Variants in PHF10 observed in about 807,000 individuals in gnomAD.
PHF10 encodes BRG1-associated factor 45a.
A neutral mutation model predicts 68.5 loss-of-function variants in PHF10; 51 were observed. The observed-to-expected ratio is 0.74, with a 90% confidence interval of 0.59 to 0.94. The LOEUF (loss-of-function observed/expected upper bound fraction) is 0.94. PHF10 is among the 40% of genes least tolerant of loss of function. The pLI is 0.00. For synonymous variants in PHF10, 204 were observed against 203.5 expected, an observed-to-expected ratio of 1.00 and a Z score of -0.02; for missense variants, 460 against 602.6, an observed-to-expected ratio of 0.76 and a Z score of 2.48.
At chr6:169,705,760 G>T in intron 9 of PHF10, 36 bp from the exon 10 acceptor site, 1 of 1,003,264 alleles carries the variant, frequency 1.0e-6, no homozygotes, top group Non-Finnish European at 1.6e-6. Context: ...ATTCATGCCA[G>T]AAGAGCTTAC....
Position 169,724,337 on chromosome 6 carries a change from T to TCGCTCGCCTCAGCCCCGCCGCC in PHF10, c.-407_-406insGGCGGCGGGGCTGAGGCGAGCG, listed in dbSNP as rs1789272426. Among the ~76,000 whole-genome samples the TCGCTCGCCTCAGCCCCGCCGCC allele has an allele frequency of 8.9e-6, 1 of 112,308 alleles. No individual in the cohort carries two copies. Among genetic ancestry groups the TCGCTCGCCTCAGCCCCGCCGCC allele is most frequent in the African/African-American group, 3.4e-5 (1 of 29,206 alleles). The allele number at this position is 112,308 out of a possible 152,430, so 73.7% of individuals were successfully genotyped here. On this transcript the variant is annotated 5_prime_UTR_variant, in exon 1 of 12. Coordinates refer to ENST00000339209, the MANE Select transcript of PHF10 (RefSeq NM_018288.4). Reference sequence around the variant, plus strand: ...CCGCGACTCCCTTCAGCCCCGCCACTCGCTCGCCTCAGCCCCGCCGCTCGC... The same window carrying TCGCTCGCCTCAGCCCCGCCGCC: ...CCGCGACTCCCTTCAGCCCCGCCACTCGCTCGCCTCAGCCCCGCCGCCCGCTCGCCTCAGCCCCGCCGCTCGC...
intron 9 of PHF10, chr6:169,707,426 CTCTT>C (rs1458973629): frequency 3.3e-5 from 5 of 152,342 alleles, no homozygotes; most frequent in South Asian, 2.1e-4. Flanking sequence ...AGAATGCTCT[CTCTT>C]AATCCATCAA....
chr6:169,720,824 A>G lies in PHF10; in HGVS notation c.194+181T>C, dbSNP rs549392393. Among the ~76,000 whole-genome samples, 3 of 152,354 alleles carry G rather than the reference A, an allele frequency of 2.0e-5. No individual in the cohort carries two copies. In the East Asian group the frequency reaches 5.8e-4, roughly 29 times the overall value. ...ATGTATGTATGTATTTTACTATCAT[A>G]AAATTGCTTTTTAATTACACTCAGT... is the stretch of plus-strand genomic sequence containing the variant. On this transcript the variant is annotated intron_variant, in intron 2 of 11. Coordinates refer to ENST00000339209, the MANE Select transcript of PHF10 (RefSeq NM_018288.4).
rs773826145 is a variant in PHF10, at chr6:169,705,685, TCAGA to T, written c.1149_1152del (p.Cys383Ter). ...CCTTTCTTGTTGGACTCCTTACCCTTCAGACAAATTCCACATATAGCATTTGGAA... is the reference window on the plus strand; with the variant it reads ...CCTTTCTTGTTGGACTCCTTACCCTTCAAATTCCACATATAGCATTTGGAA... On this transcript the variant is annotated frameshift_variant, in exon 10 of 12. Coordinates refer to ENST00000339209, the MANE Select transcript of PHF10 (RefSeq NM_018288.4). LOFTEE classifies it high-confidence loss of function. 5 of 1,592,534 alleles carry T rather than the reference TCAGA, an allele frequency of 3.1e-6. No individual in the cohort carries two copies. The East Asian group carries it at 6.7e-5, about 21-fold the overall frequency.
At chr6:169,721,937 G>C (rs554850998) in intron 1 of PHF10, among the ~76,000 whole-genome samples, 3 of 152,174 alleles carry the variant, frequency 2.0e-5, no homozygotes, top group Admixed American at 6.5e-5. Flanking sequence ...AGAATATAAA[G>C]AGGCAATATG....
chr6:169,722,756 T>C (rs1315085534), intron 1 of PHF10, among the ~76,000 whole-genome samples: 2 of 152,124 alleles, frequency 1.3e-5, no homozygotes, highest in Non-Finnish European at 2.9e-5. Flanking sequence ...ACATACTAAA[T>C]CAGAGATGTG....
chr6:169,724,149 C>A lies in PHF10; in HGVS notation c.-218G>T, dbSNP rs1293092448. ...CGCCATGGCCGTCGCCAGCGCGCCGCCCGCGCGGGAGGGCGCCAAAGGCTG... is the reference window on the plus strand; with the variant it reads ...CGCCATGGCCGTCGCCAGCGCGCCGACCGCGCGGGAGGGCGCCAAAGGCTG... On this transcript the variant is annotated 5_prime_UTR_variant, in exon 1 of 12. Coordinates refer to ENST00000339209, the MANE Select transcript of PHF10 (RefSeq NM_018288.4). The A allele has an allele frequency of 6.9e-6, 1 of 145,462 alleles. No individual in the cohort carries two copies. Among genetic ancestry groups the A allele is most frequent in the Admixed American group, 6.8e-5 (1 of 14,726 alleles). The allele number at this position is 145,462 out of a possible 1,614,324, so 9.0% of individuals were successfully genotyped here. A position where few individuals can be genotyped will look rare whatever the true frequency, so the allele number is the denominator to read the frequency against.
intron 1 of PHF10, among the ~76,000 whole-genome samples, chr6:169,722,640 G>A (rs1052671598): frequency 6.6e-6 from 1 of 152,186 alleles, no homozygotes; most frequent in Non-Finnish European, 1.5e-5. Context: ...TTTTCTTGAG[G>A]GAGGTAGTAA....
At chr6:169,721,786 ATTGAT>A (rs1789184819) in intron 1 of PHF10, among the ~76,000 whole-genome samples, 1 of 152,368 alleles carries the variant, frequency 6.6e-6, no homozygotes, top group East Asian at 1.9e-4. Flanking sequence ...ATGTTAGGAA[ATTGAT>A]TTATTTACTT....
intron 1 of PHF10, among the ~76,000 whole-genome samples, chr6:169,723,286 C>T (rs1004169569): frequency 5.3e-5 from 8 of 152,224 alleles, no homozygotes; most frequent in Non-Finnish European, 8.8e-5. Flanking sequence ...TCTCCATTTT[C>T]TCCACAAGCA....
At chr6:169,716,340 C>G (rs1268588619) in intron 4 of PHF10, among the ~76,000 whole-genome samples, 1 of 151,990 alleles carries the variant, frequency 6.6e-6, no homozygotes, top group Non-Finnish European at 1.5e-5. Context: ...TTTTAAGATT[C>G]TATGTGCTTT....
At chr6:169,713,458 G>A (rs1371655874) in intron 7 of PHF10, among the ~76,000 whole-genome samples, 1 of 151,958 alleles carries the variant, frequency 6.6e-6, no homozygotes, top group African/African-American at 2.4e-5. Context: ...AAATTAGCTG[G>A]GCAAGGTGGC....
At chr6:169,707,601 C>T (rs1320238523) in intron 9 of PHF10, 1 of 152,142 alleles carries the variant, frequency 6.6e-6, no homozygotes, top group South Asian at 2.1e-4. Flanking sequence ...AAACAGAACT[C>T]CTCACAGGAG....
rs1414038939 is a variant in PHF10 at position 169,721,009 on chromosome 6, G to A, written c.190C>T (p.Leu64Phe). The change falls in exon 2 of 12, where the codon CTT becomes TTT. Residue 64 changes from leucine (L) to phenylalanine (F), a missense_variant. Transcript: ENST00000339209. ...SRSCETSSQD[L>F]GFSYYPAENL... is the part of the protein sequence containing the mutation. ...TAACCGATAAAATGACAGTACCCAA[G>A]ATCTTGACTTGAAGTTTCACAACTC... 4.6e-6 allele frequency: 7 copies of A among 1,519,710 alleles called. No homozygotes were observed. The highest frequency in any genetic ancestry group is 5.4e-6 in the Non-Finnish European group (6 of 1,120,154). The allele number at this position is 1,519,710 out of a possible 1,614,324, so 94.1% of individuals were successfully genotyped here.
rs17860604 is a variant in PHF10, at chr6:169,721,131, A to C, written c.88-20T>G. 1,107 of 1,255,048 alleles carry C rather than the reference A, an allele frequency of 8.8e-4. 5 individuals carry two copies. The highest frequency in any genetic ancestry group is 1.2e-3 in the Non-Finnish European group (1,032 of 882,068). The allele number at this position is 1,255,048 out of a possible 1,614,324, so 77.7% of individuals were successfully genotyped here. On this transcript the variant is annotated intron_variant, in intron 1 of 11. Coordinates refer to ENST00000339209, the MANE Select transcript of PHF10 (RefSeq NM_018288.4). Reference sequence around the variant, plus strand: ...ATCATCCTATACATTTAAAAGATTCAAAAATAATAATTAGAGAAAGAATAA... The same window carrying C: ...ATCATCCTATACATTTAAAAGATTCCAAAATAATAATTAGAGAAAGAATAA...
At position 169,705,180 on chromosome 6, in the gene PHF10, T is replaced by G; in HGVS notation, c.1364A>C (p.Asp455Ala). The G allele has an allele frequency of 6.2e-7, 1 of 1,613,548 alleles. No individual in the cohort carries two copies. Among genetic ancestry groups the G allele is most frequent in the South Asian group, 1.1e-5 (1 of 90,940 alleles). ...CACACAAAAAGTATGATAACCTCTG[T>G]CACACATATCACAGAACATCATTTC... is the stretch of plus-strand genomic sequence containing the variant. ...EEEMMFCDMC[D>A]RGYHTFCVGL... The change falls in exon 11 of 12, where the codon GAC becomes GCC. Residue 455 changes from aspartate to alanine, a missense_variant. This residue lies in a region of PHF10 where 111 missense variants were observed against 109.7 expected (regional missense o/e 1.01). Transcript: ENST00000339209.
chr6:169,717,612 G>T, intron 4 of PHF10: 1 of 459,396 alleles, frequency 2.2e-6, no homozygotes, highest in Non-Finnish European at 3.8e-6. Flanking sequence ...TCATGAAGCT[G>T]AACCATCATA....
chr6:169,723,961 G>C lies in PHF10; in HGVS notation c.-30C>G. On this transcript the variant is annotated 5_prime_UTR_variant, in exon 1 of 12. Coordinates refer to ENST00000339209, the MANE Select transcript of PHF10 (RefSeq NM_018288.4). ...CCGAGCGCCCCGCGCCGCCGCCGCCGCCGTCGCCTCCGCCTTGTCCCGGCC... is the reference window on the plus strand; with the variant it reads ...CCGAGCGCCCCGCGCCGCCGCCGCCCCCGTCGCCTCCGCCTTGTCCCGGCC... 1 of 746,816 alleles carries C rather than the reference G, an allele frequency of 1.3e-6. No individual in the cohort carries two copies. The highest frequency in any genetic ancestry group is 1.6e-6 in the Non-Finnish European group (1 of 616,878). 46.3% of individuals were successfully genotyped at this position (746,816 alleles called of 1,614,324 possible).
At chr6:169,722,326 G>A (rs547930133) in intron 1 of PHF10, among the ~76,000 whole-genome samples, 1 of 152,210 alleles carries the variant, frequency 6.6e-6, no homozygotes, top group South Asian at 2.1e-4. Flanking sequence ...CTGAAAATTT[G>A]CATAAGTATC....
Sources: gnomAD v4.1 joint callset for allele counts (sites outside exome capture counted in the v4.1 genomes callset) on GRCh38, gnomAD v4.1.1 for gene constraint, gnomAD v4.1.1 regional missense constraint, MANE v1.5 for transcripts, NCBI Gene and HGNC (gene_info 2026-07-23, HGNC 2026-07-21) for gene names.